FAM149B1: variants seen among roughly 807,000 people sequenced by gnomAD.
The protein encoded by FAM149B1 is family with sequence similarity 149 member B1, also known as primary cilium assembly protein FAM149B1.
FAM149B1 carries 56 observed loss-of-function variants against 75.3 expected under a neutral mutation model. That is an observed-to-expected ratio of 0.74 (90% CI 0.60 to 0.93). FAM149B1 has a LOEUF of 0.93. Ranked by LOEUF, FAM149B1 falls within the 40% of genes least tolerant of loss-of-function variation. FAM149B1 has a pLI of 0.00. For missense variants in FAM149B1, 639 were observed against 708.4 expected, an observed-to-expected ratio of 0.90 and a Z score of 1.11; for synonymous variants, 259 against 256.1, an observed-to-expected ratio of 1.01 and a Z score of -0.11.
intron 3 of FAM149B1, among the ~76,000 whole-genome samples, chr10:73,187,447 T>C (rs945720114): frequency 2.0e-5 from 3 of 147,188 alleles, no homozygotes; most frequent in Non-Finnish European, 3.0e-5. Context: ...AGAGGACATA[T>C]GGCCAGGCGA....
intron 3 of FAM149B1, among the ~76,000 whole-genome samples, chr10:73,190,628 T>C (rs2133332051): frequency 6.6e-6 from 1 of 152,168 alleles, no homozygotes; most frequent in Non-Finnish European, 1.5e-5. Flanking sequence ...CACTGGAATG[T>C]AAAAGGATGT....
intron 11 of FAM149B1, 99 bp from the exon 12 acceptor site, chr10:73,235,094 G>C: frequency 1.4e-6 from 2 of 1,450,590 alleles, no homozygotes; most frequent in Non-Finnish European, 1.9e-6. Flanking sequence ...GAGCTGTTTG[G>C]CCTGCACTTA....
chr10:73,173,845 T>C (rs1326529325), intron 1 of FAM149B1, among the ~76,000 whole-genome samples: 1 of 152,216 alleles, frequency 6.6e-6, no homozygotes, highest in Admixed American at 6.5e-5. Context: ...AATTTTCCAA[T>C]ATATTTATTG....
intron 11 of FAM149B1, 92 bp from the exon 12 acceptor site, chr10:73,235,101 C>A: frequency 6.8e-7 from 1 of 1,462,194 alleles, no homozygotes; most frequent in Non-Finnish European, 9.3e-7. Context: ...TTGGCCTGCA[C>A]TTACCATATC....
At position 73,177,828 on chromosome 10, in the gene FAM149B1, C is replaced by T. The variant is rs1844038180; in HGVS notation, c.153-18C>T. The T allele has an allele frequency of 3.9e-6, 6 of 1,538,048 alleles. No individual in the cohort carries two copies. In the South Asian group the frequency reaches 7.2e-5, roughly 18 times the overall value. On this transcript the variant is annotated intron_variant, in intron 2 of 13. Coordinates refer to ENST00000242505, the MANE Select transcript of FAM149B1 (RefSeq NM_173348.2). The stretch of plus-strand genomic sequence containing the variant: ...AAAATTTTCTTTTTTCTCTCCTCCT[C>T]CCAAATTGTGCCTTTAGCAAGTCTG...
At chr10:73,195,060 A>G (rs1223569005) in intron 5 of FAM149B1, among the ~76,000 whole-genome samples, 1 of 152,198 alleles carries the variant, frequency 6.6e-6, no homozygotes, top group Non-Finnish European at 1.5e-5. Context: ...CCCAAATAGG[A>G]TTACTTTGAA....
At chr10:73,239,666 T>A (rs541636033) in intron 13 of FAM149B1, among the ~76,000 whole-genome samples, 16 of 151,102 alleles carry the variant, frequency 1.1e-4, no homozygotes, top group South Asian at 2.1e-4. Flanking sequence ...TTTTTTTTTT[T>A]AAATCTAAAA....
At chr10:73,211,004 G>T (rs1174817265) in intron 7 of FAM149B1, among the ~76,000 whole-genome samples, 1 of 152,058 alleles carries the variant, frequency 6.6e-6, no homozygotes, top group Admixed American at 6.6e-5. Flanking sequence ...TTCTGACACA[G>T]TCTACCAGGA....
intron 8 of FAM149B1, 38 bp from the exon 9 acceptor site, chr10:73,230,384 C>A (rs1293741944): frequency 1.7e-5 from 20 of 1,150,988 alleles, no homozygotes; most frequent in Non-Finnish European, 2.6e-5. Flanking sequence ...GGTATCTTCT[C>A]CAACCGATCA....
At chr10:73,169,317 C>G (rs1181598142) in intron 1 of FAM149B1, among the ~76,000 whole-genome samples, 1 of 151,990 alleles carries the variant, frequency 6.6e-6, no homozygotes, top group Non-Finnish European at 1.5e-5. Flanking sequence ...AAGAGTGAAA[C>G]TCCGTCTCAA....
intron 5 of FAM149B1, chr10:73,199,932 T>G (rs547677046): frequency 5.7e-6 from 1 of 175,400 alleles, no homozygotes; most frequent in South Asian, 1.5e-4. Context: ...GTTGATAACT[T>G]TGATGATACA....
chr10:73,201,782 G>A (rs1380773041), intron 5 of FAM149B1, among the ~76,000 whole-genome samples: 2 of 152,046 alleles, frequency 1.3e-5, no homozygotes, highest in Non-Finnish European at 2.9e-5. Context: ...ATCCTAAATA[G>A]GGTTAAATTC....
chr10:73,234,698 C>A, intron 10 of FAM149B1, 119 bp from the exon 11 acceptor site: 1 of 1,090,506 alleles, frequency 9.2e-7, no homozygotes, highest in Non-Finnish European at 1.3e-6. Flanking sequence ...CATAGGTAGC[C>A]TAAAGCTTTC....
At chr10:73,215,396 T>A (rs12258046) in intron 7 of FAM149B1, among the ~76,000 whole-genome samples, 16,044 of 151,404 alleles carry the variant, frequency 0.11, 1,232 homozygotes, top group East Asian at 0.31. Flanking sequence ...ATTAAAAAAA[T>A]TTTTTTTTAG....
chr10:73,230,835 A>G (rs2043676700), intron 9 of FAM149B1: 1 of 202,958 alleles, frequency 4.9e-6, no homozygotes, highest in South Asian at 1.1e-4. Context: ...GTAGGTTTTG[A>G]ACTTGTCCTT....
chr10:73,230,823 G>T, intron 9 of FAM149B1: 1 of 223,096 alleles, frequency 4.5e-6, no homozygotes, highest in Non-Finnish European at 9.2e-6. Flanking sequence ...TGGTGGGTAA[G>T]TGTAGGTTTT....
intron 8 of FAM149B1, among the ~76,000 whole-genome samples, chr10:73,228,588 CTGTT>C (rs1248297478): frequency 6.6e-6 from 1 of 151,306 alleles, no homozygotes; most frequent in South Asian, 2.1e-4. Context: ...TTGGCCCACC[CTGTT>C]TATTTTTTAT....
At chr10:73,190,721 CT>C (rs35231374) in intron 3 of FAM149B1, among the ~76,000 whole-genome samples, 15,060 of 134,136 alleles carry the variant, frequency 0.11, 883 homozygotes, top group East Asian at 0.31. Flanking sequence ...CCTCTGACTG[CT>C]TTTTTTTTTT....
intron 3 of FAM149B1, among the ~76,000 whole-genome samples, chr10:73,191,870 A>G (rs1298946681): frequency 2.0e-5 from 3 of 152,084 alleles, no homozygotes; most frequent in Non-Finnish European, 4.4e-5. Context: ...TTAATACTGT[A>G]TATAAGAATA....
Sources: allele counts gnomAD v4.1 joint callset (sites outside exome capture counted in the v4.1 genomes callset), GRCh38; gene constraint gnomAD v4.1.1; transcripts MANE v1.5; gene names NCBI Gene and HGNC (gene_info 2026-07-23, HGNC 2026-07-21).